Variants in SEPSECS observed in about 807,000 individuals in gnomAD.
The protein encoded by SEPSECS is Sep (O-phosphoserine) tRNA:Sec (selenocysteine) tRNA synthase.
A neutral mutation model predicts 52.1 loss-of-function variants in SEPSECS; 42 were observed. That is an observed-to-expected ratio of 0.81 (90% CI 0.63 to 1.04). SEPSECS has a LOEUF of 1.04. Among genes scored for constraint, SEPSECS ranks in the 50% least tolerant of loss-of-function variants. The probability of loss-of-function intolerance (pLI) is 0.00; values close to 1 mark genes in which losing one functional copy is unlikely to be tolerated. For synonymous variants in SEPSECS, 216 were observed against 211.4 expected, an observed-to-expected ratio of 1.02 and a Z score of -0.19; for missense variants, 590 against 610.6, an observed-to-expected ratio of 0.97 and a Z score of 0.36.
intron 8 of SEPSECS, among the ~76,000 whole-genome samples, chr4:25,135,247 T>TAA (rs869095335): frequency 8.4e-6 from 1 of 119,322 alleles, no homozygotes; most frequent in Non-Finnish European, 1.8e-5. Context: ...GAAAAACCGT[T>TAA]AAAAAAAAAA....
rs192851028 is a variant in SEPSECS, at chr4:25,137,177, G to A, written c.1026+7597C>T. On this transcript the variant is annotated intron_variant, in intron 8 of 10. Coordinates refer to ENST00000382103, the MANE Select transcript of SEPSECS (RefSeq NM_016955.4). ...CAGGCAAAGATTTCATGATGAAAAT[G>A]TCAAAAGCAATTGCAACAAAAGCAA... Among the ~76,000 whole-genome samples, 308 of 152,156 alleles carry A rather than the reference G, an allele frequency of 2.0e-3. 3 individuals are homozygous for A. Among genetic ancestry groups the A allele is most frequent in the South Asian group, 6.4e-3 (31 of 4,822 alleles).
chr4:25,160,458 G>T, upstream of SEPSECS: 1 of 1,078,618 alleles, frequency 9.3e-7, no homozygotes, highest in Non-Finnish European at 1.4e-6. Context: ...TCGCCGCCTG[G>T]ACGGTACGGC....
chr4:25,156,218 A>T, intron 3 of SEPSECS, 23 bp from the exon 4 acceptor site: 1 of 1,611,014 alleles, frequency 6.2e-7, no homozygotes, highest in East Asian at 2.2e-5. Context: ...AGCAAAACAG[A>T]AATCTGTTAT....
chr4:25,151,371 AG>A (rs1302163630), intron 6 of SEPSECS, among the ~76,000 whole-genome samples: 2 of 152,216 alleles, frequency 1.3e-5, no homozygotes, highest in Non-Finnish European at 2.9e-5. Context: ...GCAAAAGGAA[AG>A]CAGTAGAAAA....
chr4:25,156,815 G>A (rs1560336726), intron 3 of SEPSECS, 41 bp downstream of exon 3: 2 of 948,028 alleles, frequency 2.1e-6, no homozygotes, highest in Non-Finnish European at 3.4e-6. Context: ...GTGTGTGTGT[G>A]TCCAGACAGC....
At chr4:25,158,484 C>T (rs1407839463) in intron 2 of SEPSECS, among the ~76,000 whole-genome samples, 1 of 152,090 alleles carries the variant, frequency 6.6e-6, no homozygotes, top group African/African-American at 2.4e-5. Flanking sequence ...ATACACCTTT[C>T]CCTGTATCTA....
chr4:25,151,603 A>C (rs1041658404), intron 6 of SEPSECS, among the ~76,000 whole-genome samples: 1 of 152,250 alleles, frequency 6.6e-6, no homozygotes, highest in Non-Finnish European at 1.5e-5. Context: ...TAAGATAATA[A>C]GGTACAATAA....
intron 3 of SEPSECS, 26 bp from the exon 4 acceptor site, chr4:25,156,221 T>A: frequency 1.2e-6 from 2 of 1,609,216 alleles, no homozygotes; most frequent in Non-Finnish European, 1.7e-6. Flanking sequence ...AAAACAGAAA[T>A]CTGTTATCCC....
intron 8 of SEPSECS, among the ~76,000 whole-genome samples, chr4:25,130,872 G>A (rs10027350): frequency 0.62 from 94,333 of 152,028 alleles, 29,773 homozygotes; most frequent in Non-Finnish European, 0.67. Flanking sequence ...TCTATAACTG[G>A]CATTTATTAT....
In SEPSECS at chr4:25,156,893, A is replaced by C. The variant is rs771457920; in HGVS notation, c.351T>G (p.Ile117Met). ...TAATGTCCAGGACCAAAGAATTGGTAATTTTGTTCAAAAGGCTAGAGCCTG... is the reference window on the plus strand; with the variant it reads ...TAATGTCCAGGACCAAAGAATTGGTCATTTTGTTCAAAAGGCTAGAGCCTG... Reference protein sequence around the residue: ...KAAGSSLLNKITNSLVLDIIK... With the variant: ...KAAGSSLLNKMTNSLVLDIIK... The change falls in exon 3 of 11, where the codon ATT becomes ATG. Residue 117 changes from isoleucine (I) to methionine (M), a missense_variant. Transcript: ENST00000382103. The C allele has an allele frequency of 2.5e-6, 4 of 1,610,442 alleles. No individual in the cohort carries two copies. The East Asian group carries it at 6.7e-5, about 27-fold the overall frequency.
At chr4:25,155,594 A>G (rs1235869230) in intron 4 of SEPSECS, among the ~76,000 whole-genome samples, 2 of 152,232 alleles carry the variant, frequency 1.3e-5, no homozygotes, top group African/African-American at 2.4e-5. Flanking sequence ...ATAATAATAC[A>G]ATTCACTCAG....
At chr4:25,156,413 A>G (rs975154763) in intron 3 of SEPSECS, among the ~76,000 whole-genome samples, 5 of 151,878 alleles carry the variant, frequency 3.3e-5, no homozygotes, top group South Asian at 4.2e-4. Context: ...TAAAAAAAAA[A>G]AGTCTTTTCG....
At chr4:25,151,892 A>G in intron 6 of SEPSECS, 68 bp downstream of exon 6, 2 of 886,800 alleles carry the variant, frequency 2.3e-6, no homozygotes, top group Admixed American at 1.7e-5. Flanking sequence ...TGTAAGAAAA[A>G]GTAATAATCC....
chr4:25,123,564 T>C lies in SEPSECS; in HGVS notation c.*367A>G. 4.1e-6 allele frequency: 1 copy of C among 244,906 alleles called. No individual in the cohort carries two copies. The highest frequency in any genetic ancestry group is 8.1e-6 in the Non-Finnish European group (1 of 123,748). 15.2% of individuals were successfully genotyped at this position (244,906 alleles called of 1,614,324 possible). On this transcript the variant is annotated 3_prime_UTR_variant, in exon 11 of 11. Coordinates refer to ENST00000382103, the MANE Select transcript of SEPSECS (RefSeq NM_016955.4). ...GCCTAAGAGATCTTTCTCAATTCTG[T>C]GTGATCAGAAACGGTAAAGAATGGT...
chr4:25,156,175 A>G lies in SEPSECS; in HGVS notation c.409T>C (p.Cys137Arg), dbSNP rs1712617432. The stretch of plus-strand genomic sequence containing the variant: ...CCAGTTGCCATAGGAACTACAAAGC[A>G]GTTGGCTACTGTATGGACACCTACA... ...KLAGVHTVAN[C>R]FVVPMATGMS... The change falls in exon 4 of 11, where the codon TGC (cysteine) becomes CGC (arginine). Residue 137 changes from cysteine (C) to arginine (R), a missense_variant. By Grantham distance (180) the Cys-to-Arg change is radical. Transcript: ENST00000382103. 1 of 1,614,102 alleles carries G rather than the reference A, an allele frequency of 6.2e-7. No homozygotes were observed. The highest frequency in any genetic ancestry group is 8.5e-7 in the Non-Finnish European group (1 of 1,179,984).
intron 6 of SEPSECS, among the ~76,000 whole-genome samples, chr4:25,147,876 A>AT (rs1311074741): frequency 1.3e-5 from 2 of 152,200 alleles, no homozygotes; most frequent in Non-Finnish European, 2.9e-5. Context: ...CAGTATTAGT[A>AT]TTTTAGTACT....
At chr4:25,146,340 CT>C (rs1239679220) in intron 6 of SEPSECS, among the ~76,000 whole-genome samples, 1 of 152,194 alleles carries the variant, frequency 6.6e-6, no homozygotes, top group African/African-American at 2.4e-5. Flanking sequence ...AGCAGCTGCT[CT>C]GGAGGCCATT....
intron 2 of SEPSECS, among the ~76,000 whole-genome samples, chr4:25,158,257 A>T (rs1413022361): frequency 6.6e-6 from 1 of 152,220 alleles, no homozygotes. Flanking sequence ...TTTTTACTGA[A>T]ATACAAATTC....
chr4:25,147,346 ATTCAC>A (rs1312891369), intron 6 of SEPSECS, among the ~76,000 whole-genome samples: 10 of 152,236 alleles, frequency 6.6e-5, no homozygotes, highest in Non-Finnish European at 1.5e-5. Context: ...ATTTTGTTGG[ATTCAC>A]TATTGCATCT....
Sources: allele counts gnomAD v4.1 joint callset (sites outside exome capture counted in the v4.1 genomes callset), GRCh38; gene constraint gnomAD v4.1.1; transcripts MANE v1.5; gene names NCBI Gene and HGNC (gene_info 2026-07-23, HGNC 2026-07-21).